SETBP1: variants seen among roughly 807,000 people sequenced by gnomAD.
The protein encoded by SETBP1 is SET binding protein 1, also known as SET-binding protein.
SETBP1 carries 9 observed loss-of-function variants against 101.0 expected under a neutral mutation model. The ratio of observed to expected loss-of-function variants is 0.09; its 90% CI spans 0.05 to 0.16. The LOEUF is 0.16. SETBP1 is among the 10% of genes least tolerant of loss of function. SETBP1 has a pLI of 1.00. For synonymous variants in SETBP1, 818 were observed against 788.5 expected, an observed-to-expected ratio of 1.04 and a Z score of -0.63; for missense variants, 1,858 against 2,033.8, an observed-to-expected ratio of 0.91 and a Z score of 1.66.
chr18:44,902,474 C>A (rs1205796594), intron 3 of SETBP1, among the ~76,000 whole-genome samples: 1 of 143,430 alleles, frequency 7.0e-6, no homozygotes, highest in African/African-American at 2.5e-5. Flanking sequence ...AGAGGTGGAG[C>A]CAGGCAGGGG....
intron 2 of SETBP1, among the ~76,000 whole-genome samples, chr18:44,861,380 A>G (rs2069008070): frequency 6.6e-6 from 1 of 150,824 alleles, no homozygotes; most frequent in Admixed American, 6.6e-5. Context: ...CTGGAACTAC[A>G]GGCACCTGCC....
At chr18:44,915,464 G>A (rs1180695668) in intron 3 of SETBP1, among the ~76,000 whole-genome samples, 2 of 152,168 alleles carry the variant, frequency 1.3e-5, no homozygotes, top group Admixed American at 6.5e-5. Context: ...GGGAATATAA[G>A]AGCAAACATG....
At chr18:44,938,833 A>T (rs952767133) in intron 3 of SETBP1, among the ~76,000 whole-genome samples, 1 of 152,200 alleles carries the variant, frequency 6.6e-6, no homozygotes, top group Non-Finnish European at 1.5e-5. Context: ...TCAGTCAGCT[A>T]TCTCTGCACA....
intron 2 of SETBP1, among the ~76,000 whole-genome samples, chr18:44,847,905 C>A (rs933504498): frequency 6.6e-6 from 1 of 152,080 alleles, no homozygotes; most frequent in Non-Finnish European, 1.5e-5. Context: ...AGGGAGGGAG[C>A]AGGCAGGCAT....
At chr18:44,908,940 GAAAAATATATT>G (rs1293371943) in intron 3 of SETBP1, among the ~76,000 whole-genome samples, 1 of 151,948 alleles carries the variant, frequency 6.6e-6, no homozygotes, top group Non-Finnish European at 1.5e-5. Context: ...CTCATTTTCA[GAAAAATATATT>G]TTTGCCATAT....
intron 5 of SETBP1, among the ~76,000 whole-genome samples, chr18:45,058,222 C>CA (rs1260567993): frequency 6.6e-6 from 1 of 152,136 alleles, no homozygotes; most frequent in East Asian, 1.9e-4. Context: ...AATATGGAAT[C>CA]AATCTTGCAG....
chr18:44,716,484 T>G (rs1248254256), intron 2 of SETBP1, among the ~76,000 whole-genome samples: 3 of 152,220 alleles, frequency 2.0e-5, no homozygotes, highest in Admixed American at 6.5e-5. Context: ...GAAGGTTCTT[T>G]GGTGTCCAGG....
intron 3 of SETBP1, among the ~76,000 whole-genome samples, chr18:44,880,383 G>T (rs1488403580): frequency 6.6e-6 from 1 of 152,168 alleles, no homozygotes; most frequent in African/African-American, 2.4e-5. Context: ...AGAGGTCTGT[G>T]CCAGGCTTAA....
chr18:44,844,922 G>A (rs944121395), intron 2 of SETBP1, among the ~76,000 whole-genome samples: 4 of 152,168 alleles, frequency 2.6e-5, no homozygotes, highest in Non-Finnish European at 5.9e-5. Context: ...TTTCAAACAC[G>A]GTGTGCTATT....
intron 3 of SETBP1, chr18:44,876,819 G>C: frequency 2.1e-6 from 3 of 1,437,258 alleles, no homozygotes; most frequent in Non-Finnish European, 2.8e-6. Flanking sequence ...CAACAATGGA[G>C]ACTTGCCCAA....
chr18:44,945,526 T>C (rs985846232), intron 3 of SETBP1, among the ~76,000 whole-genome samples: 2 of 151,228 alleles, frequency 1.3e-5, no homozygotes, highest in Admixed American at 1.3e-4. Context: ...GCCACACCTT[T>C]TAAACTGCCA....
chr18:45,031,365 A>C (rs930094742), intron 4 of SETBP1, among the ~76,000 whole-genome samples: 5 of 152,120 alleles, frequency 3.3e-5, no homozygotes, highest in African/African-American at 1.2e-4. Flanking sequence ...TGGAGGGGAA[A>C]CATTATTTTC....
intron 5 of SETBP1, among the ~76,000 whole-genome samples, chr18:45,045,568 T>C (rs184679241): frequency 6.6e-6 from 1 of 152,058 alleles, no homozygotes; most frequent in African/African-American, 2.4e-5. Context: ...TTGCCTTGTT[T>C]CTAAGTTTTG....
chr18:44,770,788 A>G (rs2070855502), intron 2 of SETBP1, among the ~76,000 whole-genome samples: 1 of 147,368 alleles, frequency 6.8e-6, no homozygotes, highest in South Asian at 2.2e-4. Flanking sequence ...AGAGTCAAAT[A>G]TTTCCTGACA....
chr18:44,983,087 C>T (rs1411729754), intron 4 of SETBP1, among the ~76,000 whole-genome samples: 1 of 152,076 alleles, frequency 6.6e-6, no homozygotes, highest in African/African-American at 2.4e-5. Flanking sequence ...TTGTAGGTAA[C>T]TTATTCAGTG....
chr18:44,883,361 T>TG (rs1255671877), intron 3 of SETBP1, among the ~76,000 whole-genome samples: 27 of 152,352 alleles, frequency 1.8e-4, no homozygotes, highest in African/African-American at 5.3e-4. Flanking sequence ...ATTCGGTTCT[T>TG]GCAACTAATA....
intron 2 of SETBP1, among the ~76,000 whole-genome samples, chr18:44,861,460 C>T (rs1407524083): frequency 6.6e-6 from 1 of 151,712 alleles, no homozygotes; most frequent in East Asian, 1.9e-4. Context: ...TCTCAATCTC[C>T]TGACCTCATG....
chr18:44,841,769 C>G (rs1038559988), intron 2 of SETBP1, among the ~76,000 whole-genome samples: 1 of 152,196 alleles, frequency 6.6e-6, no homozygotes. Context: ...CATCTCACCC[C>G]TTTTGTGATT....
chr18:44,972,447 A>T (rs1253456286), intron 4 of SETBP1, among the ~76,000 whole-genome samples: 1 of 152,200 alleles, frequency 6.6e-6, no homozygotes, highest in African/African-American at 2.4e-5. Context: ...ATGGCATTGA[A>T]TCTAGAAATT....
Sources: gnomAD v4.1 joint callset for allele counts (sites outside exome capture counted in the v4.1 genomes callset) on GRCh38, gnomAD v4.1.1 for gene constraint, MANE v1.5 for transcripts, NCBI Gene and HGNC (gene_info 2026-07-23, HGNC 2026-07-21) for gene names.